EIF2AK3: variants seen among roughly 807,000 people sequenced by gnomAD.
EIF2AK3 encodes eukaryotic translation initiation factor 2 alpha kinase 3.
Under a neutral mutation model 113.5 loss-of-function variants are expected in EIF2AK3, and 50 were observed. The ratio of observed to expected loss-of-function variants is 0.44; its 90% confidence interval spans 0.35 to 0.56. EIF2AK3 has a LOEUF of 0.56. Among genes scored for constraint, EIF2AK3 ranks in the 20% least tolerant of loss-of-function variants. EIF2AK3 has a pLI of 0.00. For synonymous variants in EIF2AK3, 448 were observed against 495.4 expected (o/e 0.90, Z 1.27); for missense variants, 1,185 against 1,378.0 (o/e 0.86, Z 2.22).
chr2:88,569,080 G>A (rs759747277), intron 14 of EIF2AK3, among the ~76,000 whole-genome samples: 1 of 152,042 alleles, frequency 6.6e-6, no homozygotes, highest in Admixed American at 6.6e-5. Context: ...TACAAGAGAC[G>A]GGGTTTCACC....
At chr2:88,623,539 ACCT>A (rs1263192928) in intron 1 of EIF2AK3, among the ~76,000 whole-genome samples, 2 of 151,990 alleles carry the variant, frequency 1.3e-5, no homozygotes, top group African/African-American at 2.4e-5. Context: ...ATAATTCCAC[ACCT>A]CCTCCTTTTT....
chr2:88,588,508 T>TA (rs1674796014), intron 7 of EIF2AK3, among the ~76,000 whole-genome samples: 2 of 152,192 alleles, frequency 1.3e-5, no homozygotes, highest in African/African-American at 4.8e-5. Flanking sequence ...AGGGAATGAT[T>TA]AAGAGTTTTT....
intron 13 of EIF2AK3, 119 bp downstream of exon 13, chr2:88,574,547 G>C (rs1300495863): frequency 1.6e-6 from 2 of 1,271,090 alleles, no homozygotes; most frequent in African/African-American, 3.0e-5. Flanking sequence ...TCAGACCTCT[G>C]CTCTCAGATG....
intron 2 of EIF2AK3, among the ~76,000 whole-genome samples, chr2:88,607,521 G>C (rs2104461001): frequency 6.6e-6 from 1 of 152,252 alleles, no homozygotes; most frequent in South Asian, 2.1e-4. Flanking sequence ...GGAGATAGTG[G>C]CAAATGAGAT....
intron 1 of EIF2AK3, among the ~76,000 whole-genome samples, chr2:88,625,123 T>C (rs1675826554): frequency 6.6e-6 from 1 of 152,192 alleles, no homozygotes; most frequent in Admixed American, 6.5e-5. Context: ...TCAGGGAGTG[T>C]GGGGTGGTGC....
intron 14 of EIF2AK3, 75 bp downstream of exon 14, chr2:88,570,799 T>A (rs1256558396): frequency 3.2e-6 from 5 of 1,579,914 alleles, no homozygotes; most frequent in Middle Eastern, 3.3e-4. Flanking sequence ...ACTGGGTATT[T>A]TAATGAAAAC....
intron 1 of EIF2AK3, among the ~76,000 whole-genome samples, chr2:88,622,135 G>C (rs1188811378): frequency 1.3e-5 from 2 of 152,114 alleles, no homozygotes; most frequent in African/African-American, 4.8e-5. Flanking sequence ...GACCTCAGGT[G>C]ATCCGCCTGC....
Position 88,576,536 on chromosome 2 carries a change from T to C in EIF2AK3, c.2036+18A>G. On this transcript the variant is annotated intron_variant, in intron 12 of 16. Coordinates refer to ENST00000303236, the MANE Select transcript of EIF2AK3 (RefSeq NM_004836.7). Reference sequence around the variant, plus strand: ...AGCAAAAAACTAGCTTAAGTGTATGTGTAACAAAGTTAGTTACCTTTCATC... The same window carrying C: ...AGCAAAAAACTAGCTTAAGTGTATGCGTAACAAAGTTAGTTACCTTTCATC... 1 of 1,614,020 alleles carries C rather than the reference T, an allele frequency of 6.2e-7. No individual in the cohort carries two copies.
intron 2 of EIF2AK3, among the ~76,000 whole-genome samples, chr2:88,607,310 A>C (rs543529383): frequency 6.6e-6 from 1 of 152,356 alleles, no homozygotes; most frequent in Admixed American, 6.5e-5. Context: ...ATAAATTACT[A>C]GAGGAAAGCA....
intron 6 of EIF2AK3, 25 bp downstream of exon 6, chr2:88,590,418 C>A: frequency 6.2e-7 from 1 of 1,612,288 alleles, no homozygotes; most frequent in Non-Finnish European, 8.5e-7. Context: ...TGTGTACTAT[C>A]GTTAGATAAG....
chr2:88,557,770 G>T lies in EIF2AK3; in HGVS notation c.3317C>A (p.Ser1106Tyr), dbSNP rs747073375. Residue 1106 changes from serine to tyrosine, a missense_variant, in exon 17 of 17, where the codon TCC (serine) becomes TAC (tyrosine). By Grantham distance (144) the Ser-to-Tyr change is moderately radical. This residue lies in a region of EIF2AK3 where 877 missense variants were observed against 1,024.2 expected (regional missense o/e 0.86). Transcript: ENST00000303236. ...SSSGTKHSRQ[S>Y]NNSHSPLPSN ...TGGCAAAGGGCTATGGGAGTTGTTG[G>T]ACTGTCTTGAATGTTTTGTTCCCGA... 6 of 1,614,018 alleles carry T rather than the reference G, an allele frequency of 3.7e-6. No individual in the cohort carries two copies. In the African/African-American group the frequency reaches 6.7e-5, roughly 18 times the overall value.
chr2:88,567,965 A>C (rs1230783783), intron 14 of EIF2AK3, among the ~76,000 whole-genome samples: 3 of 151,950 alleles, frequency 2.0e-5, no homozygotes, highest in African/African-American at 7.3e-5. Context: ...AAAATGCTTG[A>C]TTTCTTTTTT....
chr2:88,583,666 T>C (rs1573399855), intron 9 of EIF2AK3, 124 bp from the exon 10 acceptor site: 1 of 745,792 alleles, frequency 1.3e-6, no homozygotes, highest in South Asian at 1.6e-5. Context: ...AATAAAAGCA[T>C]TATGAAAACA....
chr2:88,621,283 C>A (rs1479884837), intron 1 of EIF2AK3, among the ~76,000 whole-genome samples: 1 of 152,210 alleles, frequency 6.6e-6, no homozygotes. Flanking sequence ...GAACACCTGC[C>A]TATTTACAGT....
chr2:88,609,594 T>C (rs986735684), intron 2 of EIF2AK3, among the ~76,000 whole-genome samples: 17 of 152,310 alleles, frequency 1.1e-4, no homozygotes, highest in African/African-American at 4.1e-4. Context: ...GTAACAAGCC[T>C]TTCTCCACAT....
chr2:88,577,010 G>T (rs1430603094), intron 11 of EIF2AK3, among the ~76,000 whole-genome samples: 2 of 151,178 alleles, frequency 1.3e-5, no homozygotes, highest in Admixed American at 6.6e-5. Context: ...TTGAGACAGG[G>T]TCTTGCTCTG....
chr2:88,577,473 T>C (rs1210505851), intron 11 of EIF2AK3, among the ~76,000 whole-genome samples: 3 of 151,828 alleles, frequency 2.0e-5, no homozygotes, highest in Non-Finnish European at 4.4e-5. Flanking sequence ...TTTTTTTTTT[T>C]TTTCCTGAGA....
intron 10 of EIF2AK3, 64 bp downstream of exon 10, chr2:88,583,366 G>C: frequency 7.6e-7 from 1 of 1,307,490 alleles, no homozygotes. Flanking sequence ...TAAAAAAAAA[G>C]TTAAACAAGA....
chr2:88,620,284 CCA>C (rs1675689959), intron 1 of EIF2AK3, among the ~76,000 whole-genome samples: 1 of 152,172 alleles, frequency 6.6e-6, no homozygotes, highest in African/African-American at 2.4e-5. Flanking sequence ...CTTCCCAGCT[CCA>C]CACTCCCCCC....
Sources: allele counts gnomAD v4.1 joint callset (sites outside exome capture counted in the v4.1 genomes callset), GRCh38; gene constraint gnomAD v4.1.1; regional missense constraint gnomAD v4.1.1; transcripts MANE v1.5; gene names NCBI Gene and HGNC (gene_info 2026-07-23, HGNC 2026-07-21).